PRELID2: variants seen among roughly 807,000 people sequenced by gnomAD.
PRELID2 encodes PRELI domain containing 2, also known as PRELI domain-containing protein 2.
In PRELID2, 25 loss-of-function variants were observed where a neutral mutation model predicts 28.4. That is an observed-to-expected ratio of 0.88 (90% confidence interval 0.64 to 1.23). The LOEUF is 1.23. Among genes scored for constraint, PRELID2 ranks in the 50% most tolerant of loss-of-function variants. The pLI is 0.00. For missense variants in PRELID2, 201 were observed against 214.4 expected (o/e 0.94, Z 0.39); for synonymous variants, 76 against 71.6 (o/e 1.06, Z -0.31).
chr5:145,792,257 G>A (rs1006808877), intron 5 of PRELID2, among the ~76,000 whole-genome samples: 1 of 152,132 alleles, frequency 6.6e-6, no homozygotes, highest in Non-Finnish European at 1.5e-5. Context: ...CTAATTCTGT[G>A]ACCTTGAGAA....
At chr5:145,229,088 T>G in the PRELID2 span, 1 of 1,516,162 alleles carries the variant, frequency 6.6e-7, no homozygotes, top group Non-Finnish European at 9.1e-7. Flanking sequence ...TGGGTACTTC[T>G]CTCACCAGGC....
chr5:145,619,436 A>C (rs2149650687), intron 1 of PRELID2, among the ~76,000 whole-genome samples: 1 of 152,320 alleles, frequency 6.6e-6, no homozygotes, highest in East Asian at 1.9e-4. Flanking sequence ...GCTCCAGCTA[A>C]GGTCAGAATC....
At chr5:145,390,832 T>C in the PRELID2 span, among the ~76,000 whole-genome samples, 1 of 152,098 alleles carries the variant, frequency 6.6e-6, no homozygotes, top group African/African-American at 2.4e-5. Flanking sequence ...CTAGATACAA[T>C]GGAGCTACAG....
chr5:145,508,379 A>G (rs997054170), intron 1 of PRELID2, among the ~76,000 whole-genome samples: 1 of 152,096 alleles, frequency 6.6e-6, no homozygotes, highest in Non-Finnish European at 1.5e-5. Flanking sequence ...ATAGTTGTAT[A>G]TGCTTAGAAA....
At chr5:145,673,625 G>C (rs1404952907) in intron 1 of PRELID2, among the ~76,000 whole-genome samples, 1 of 151,680 alleles carries the variant, frequency 6.6e-6, no homozygotes, top group Non-Finnish European at 1.5e-5. Context: ...AAATATAAAT[G>C]GGCATAATAA....
At chr5:145,251,674 C>T in the PRELID2 span, among the ~76,000 whole-genome samples, 1 of 152,200 alleles carries the variant, frequency 6.6e-6, no homozygotes, top group East Asian at 1.9e-4. Flanking sequence ...TAGTTGGGCC[C>T]CTTTTCTGCA....
At chr5:145,230,771 C>T in the PRELID2 span, among the ~76,000 whole-genome samples, 1 of 152,160 alleles carries the variant, frequency 6.6e-6, no homozygotes, top group Non-Finnish European at 1.5e-5. Flanking sequence ...TTTCAAGAGG[C>T]TGTGCTCAAG....
At chr5:145,429,180 C>A in the PRELID2 span, among the ~76,000 whole-genome samples, 1 of 152,274 alleles carries the variant, frequency 6.6e-6, no homozygotes, top group South Asian at 2.1e-4. Flanking sequence ...GGATAGAAAC[C>A]TATTGCAATA....
chr5:145,400,125 T>A, the PRELID2 span, among the ~76,000 whole-genome samples: 1 of 152,282 alleles, frequency 6.6e-6, no homozygotes, highest in Non-Finnish European at 1.5e-5. Context: ...CCTGATCAAA[T>A]TCAGGCATCA....
At chr5:145,560,356 G>T (rs1752916197) in intron 1 of PRELID2, among the ~76,000 whole-genome samples, 1 of 152,144 alleles carries the variant, frequency 6.6e-6, no homozygotes, top group Admixed American at 6.5e-5. Flanking sequence ...TATATCCTCA[G>T]AACCTATCAC....
the PRELID2 span, among the ~76,000 whole-genome samples, chr5:145,249,785 C>T: frequency 2.6e-5 from 4 of 152,100 alleles, no homozygotes; most frequent in South Asian, 4.1e-4. Context: ...TGATTCTTTA[C>T]AGAAAAAAGA....
intron 1 of PRELID2, among the ~76,000 whole-genome samples, chr5:145,629,016 C>T (rs534770279): frequency 7.2e-5 from 11 of 152,282 alleles, no homozygotes; most frequent in African/African-American, 2.6e-4. Flanking sequence ...CCTGAGCTGG[C>T]TGAATTTATT....
chr5:145,571,300 A>G (rs1753013215), intron 1 of PRELID2, among the ~76,000 whole-genome samples: 2 of 152,128 alleles, frequency 1.3e-5, no homozygotes, highest in South Asian at 4.1e-4. Flanking sequence ...TCCAAAGTTA[A>G]CCTGAAAAAT....
intron 1 of PRELID2, among the ~76,000 whole-genome samples, chr5:145,639,293 A>C (rs1354411972): frequency 1.3e-5 from 2 of 152,082 alleles, no homozygotes; most frequent in Non-Finnish European, 2.9e-5. Context: ...TGTGGAGGAA[A>C]GTAACATAAT....
At chr5:145,510,700 T>C (rs1313061277) in intron 1 of PRELID2, among the ~76,000 whole-genome samples, 1 of 152,226 alleles carries the variant, frequency 6.6e-6, no homozygotes, top group Non-Finnish European at 1.5e-5. Context: ...TTTATGCATT[T>C]GCTTTTCTAT....
intron 1 of PRELID2, among the ~76,000 whole-genome samples, chr5:145,696,989 G>A (rs564179461): frequency 7.0e-6 from 1 of 142,238 alleles, no homozygotes; most frequent in South Asian, 2.3e-4. Flanking sequence ...AGAGGCAGGG[G>A]GTACTGATCA....
chr5:145,659,655 C>T (rs1754456050), intron 1 of PRELID2, among the ~76,000 whole-genome samples: 1 of 152,164 alleles, frequency 6.6e-6, no homozygotes, highest in African/African-American at 2.4e-5. Context: ...TTGCTTCCGT[C>T]ACTTGTACTT....
the PRELID2 span, among the ~76,000 whole-genome samples, chr5:145,286,720 GTTTGTTTTTTTTTTT>G: frequency 8.5e-6 from 1 of 117,862 alleles, no homozygotes; most frequent in African/African-American, 3.7e-5. Context: ...TTGTTTGTTT[GTTTGTTTTTTTTTTT>G]TTTTGAGACG....
At chr5:145,345,208 T>A in the PRELID2 span, among the ~76,000 whole-genome samples, 1 of 152,112 alleles carries the variant, frequency 6.6e-6, no homozygotes, top group East Asian at 1.9e-4. Context: ...ATCAGTCTTT[T>A]TATTTCAAAA....
Sources: gnomAD v4.1 joint callset for allele counts (sites outside exome capture counted in the v4.1 genomes callset) on GRCh38, gnomAD v4.1.1 for gene constraint, MANE v1.5 for transcripts, NCBI Gene and HGNC (gene_info 2026-07-23, HGNC 2026-07-21) for gene names.